The following PHACTR2 variants were observed in gnomAD, a reference collection of about 807,000 sequenced individuals.
PHACTR2 encodes chromosome 6 open reading frame 56.
Under a neutral mutation model 76.0 loss-of-function variants are expected in PHACTR2, and 30 were observed. That is an observed-to-expected ratio of 0.39 (90% CI 0.30 to 0.54). The LOEUF is 0.54. Among genes scored for constraint, PHACTR2 ranks in the 20% least tolerant of loss-of-function variants. PHACTR2 has a pLI of 0.61. For missense variants in PHACTR2, 696 were observed against 781.1 expected (o/e 0.89, Z 1.30); for synonymous variants, 292 against 292.5 (o/e 1.00, Z 0.02).
At position 143,641,866 on chromosome 6, in the gene PHACTR2, C is replaced by T. The variant is rs905562037; in HGVS notation, c.13+33544C>T. Reference sequence around the variant, plus strand: ...AATTTGTCATGACAGCCACAAGAAGCAAATACAAGCAGCTGAGATGAAATG... The same window carrying T: ...AATTTGTCATGACAGCCACAAGAAGTAAATACAAGCAGCTGAGATGAAATG... On this transcript the variant is annotated intron_variant, in intron 1 of 11. Transcript: ENST00000305766. This position sits in a 1 kb window ranked among gnomAD's most constrained non-coding sequence, Gnocchi z 5.8. Among the ~76,000 whole-genome samples, 2 of 152,110 alleles carry T rather than the reference C, an allele frequency of 1.3e-5. No homozygotes were observed. Among genetic ancestry groups the T allele is most frequent in the East Asian group, 1.9e-4 (1 of 5,188 alleles).
intron 1 of PHACTR2, among the ~76,000 whole-genome samples, chr6:143,568,166 T>C (rs144310050): frequency 5.9e-5 from 9 of 152,230 alleles, no homozygotes; most frequent in Admixed American, 5.9e-4. Flanking sequence ...GTAGTGACAC[T>C]CAAGAGTTAA....
At chr6:143,675,316 C>G (rs921390417), upstream of PHACTR2, among the ~76,000 whole-genome samples, 4 of 152,146 alleles carry the variant, frequency 2.6e-5, no homozygotes, top group African/African-American at 9.7e-5. This position sits in a 1 kb window ranked among gnomAD's most constrained non-coding sequence, Gnocchi z 4.9. Flanking sequence ...GAAGCTATTC[C>G]TCAAACTCAG....
intron 2 of PHACTR2, among the ~76,000 whole-genome samples, chr6:143,720,461 C>T (rs1778413494): frequency 6.6e-6 from 1 of 152,098 alleles, no homozygotes; most frequent in Non-Finnish European, 1.5e-5. Flanking sequence ...AGGGAAAGCA[C>T]TGAGAGAATC....
chr6:143,815,841 A>T lies in PHACTR2; in HGVS notation c.1923-7833A>T, dbSNP rs1292614418. ...CGGGAGGTGGAGGCTGCAGTGAATC[A>T]AGATTGCACCACTGCACACTAGCCT... On this transcript the variant is annotated intron_variant, in intron 12 of 12. Transcript: ENST00000440869. 2.0e-5 allele frequency among the ~76,000 whole-genome samples: 3 copies of T among 151,520 alleles called. No homozygotes were observed. The East Asian group carries it at 5.8e-4, about 29-fold the overall frequency.
At chr6:143,699,090 T>C (rs1777839477) in intron 1 of PHACTR2, among the ~76,000 whole-genome samples, 1 of 151,956 alleles carries the variant, frequency 6.6e-6, no homozygotes, top group African/African-American at 2.4e-5. Flanking sequence ...GTCTGCTGAG[T>C]TTTCCTTCAC....
chr6:143,650,865 C>CA (rs529295167), intron 1 of PHACTR2, among the ~76,000 whole-genome samples: 383 of 151,554 alleles, frequency 2.5e-3, no homozygotes, highest in Non-Finnish European at 3.6e-3. Flanking sequence ...TTCTGAACAA[C>CA]AAAAAAAACT....
rs1775241482 is a variant in PHACTR2 at position 143,775,073 on chromosome 6, T to G, written c.1589+858T>G. The stretch of plus-strand genomic sequence containing the variant: ...CAGGATTTGGAGGTGGGGGGAAAAT[T>G]GCTGTCCTTGCTTGGAAGTGGTATA... On this transcript the variant is annotated intron_variant, in intron 8 of 12. Coordinates refer to ENST00000440869, the MANE Select transcript of PHACTR2 (RefSeq NM_001100164.2). The surrounding 1 kb of genome is among the most constrained non-coding windows in gnomAD (Gnocchi z 4.4). Among the ~76,000 whole-genome samples the G allele has an allele frequency of 6.6e-6, 1 of 152,174 alleles. No individual in the cohort carries two copies. The highest frequency in any genetic ancestry group is 1.5e-5 in the Non-Finnish European group (1 of 68,036).
chr6:143,830,745 T>C lies in PHACTR2; in HGVS notation c.*7056T>C, dbSNP rs1038008249. 1 of 152,246 alleles carries C rather than the reference T, an allele frequency of 6.6e-6. No homozygotes were observed. Among genetic ancestry groups the C allele is most frequent in the African/African-American group, 2.4e-5 (1 of 41,472 alleles). The allele number at this position is 152,246 out of a possible 1,614,324, so 9.4% of individuals were successfully genotyped here. A position where few individuals can be genotyped will look rare whatever the true frequency, so the allele number is the denominator to read the frequency against. On this transcript the variant is annotated 3_prime_UTR_variant, in exon 13 of 13. Coordinates refer to ENST00000440869, the MANE Select transcript of PHACTR2 (RefSeq NM_001100164.2). ...CACAATTCCAAGTGCCTTAGAACAT[T>C]GTTTAGCTTTCCTAAGTATATATAA... is the stretch of plus-strand genomic sequence containing the variant.
intron 1 of PHACTR2, among the ~76,000 whole-genome samples, chr6:143,703,594 C>T (rs1777966056): frequency 6.6e-6 from 1 of 152,154 alleles, no homozygotes; most frequent in African/African-American, 2.4e-5. Context: ...ACATTCTGTT[C>T]TTTTTCTTTA....
At position 143,772,921 on chromosome 6, in the gene PHACTR2, A is replaced by G. The variant is rs1775189017; in HGVS notation, c.1432+464A>G. On this transcript the variant is annotated intron_variant, in intron 7 of 12. Transcript: ENST00000440869. The surrounding 1 kb of genome is among the most constrained non-coding windows in gnomAD (Gnocchi z 5.4). ...AGGAGGAATGAGTCAAGAATGCCAA[A>G]TACCTCATTAGCATTAAGAGGCTGG... 6.6e-6 allele frequency among the ~76,000 whole-genome samples: 1 copy of G among 152,198 alleles called. No homozygotes were observed. Among genetic ancestry groups the G allele is most frequent in the Non-Finnish European group, 1.5e-5 (1 of 68,046 alleles).
At position 143,562,079 on chromosome 6, in the gene PHACTR2, A is replaced by T. The variant is rs562862840; in HGVS notation, c.217+24872A>T. The stretch of plus-strand genomic sequence containing the variant: ...GTCAGATATTGTTACTTCACTGAAA[A>T]CTCTCACCGCCAGCCAGAGTTCCTT... On this transcript the variant is annotated intron_variant, in intron 1 of 11. Transcript: ENST00000367584. The surrounding 1 kb of genome is among the most constrained non-coding windows in gnomAD (Gnocchi z 5.1). 6.6e-6 allele frequency: 1 copy of T among 150,488 alleles called. No individual in the cohort carries two copies. The highest frequency in any genetic ancestry group is 2.1e-4 in the South Asian group (1 of 4,722). 9.3% of individuals were successfully genotyped at this position (150,488 alleles called of 1,614,324 possible). A position where few individuals can be genotyped will look rare whatever the true frequency, so the allele number is the denominator to read the frequency against.
upstream of PHACTR2, among the ~76,000 whole-genome samples, chr6:143,673,655 A>G (rs1034470060): frequency 3.9e-5 from 6 of 152,278 alleles, no homozygotes; most frequent in East Asian, 1.2e-3. Flanking sequence ...GAAATGAAGT[A>G]GAGCAAAATT....
At chr6:143,778,936 C>T (rs1400950240) in intron 9 of PHACTR2, among the ~76,000 whole-genome samples, 1 of 152,156 alleles carries the variant, frequency 6.6e-6, no homozygotes, top group African/African-American at 2.4e-5. Flanking sequence ...GCTGCATTGG[C>T]CTTTATATCC....
In PHACTR2 at chr6:143,619,227, C is replaced by T. The variant is rs1301489263; in HGVS notation, c.13+10905C>T. ...GTGATCTATTTTTCTGTCTACCTAT[C>T]ATTGATCAAGAGCCCTACCAGCCCC... On this transcript the variant is annotated intron_variant, in intron 1 of 11. Coordinates refer to the PHACTR2 transcript ENST00000305766. This position sits in a 1 kb window ranked among gnomAD's most constrained non-coding sequence, Gnocchi z 4.5. Among the ~76,000 whole-genome samples, 1 of 152,086 alleles carries T rather than the reference C, an allele frequency of 6.6e-6. No individual in the cohort carries two copies. Among genetic ancestry groups the T allele is most frequent in the African/African-American group, 2.4e-5 (1 of 41,382 alleles).
chr6:143,807,198 TAAA>T lies in PHACTR2; in HGVS notation c.1922+70_1922+72del. The T allele has an allele frequency of 2.2e-6, 2 of 916,574 alleles. No homozygotes were observed. Among genetic ancestry groups the T allele is most frequent in the South Asian group, 2.9e-5 (2 of 68,202 alleles). The allele number at this position is 916,574 out of a possible 1,614,324, so 56.8% of individuals were successfully genotyped here. A position where few individuals can be genotyped will look rare whatever the true frequency, so the allele number is the denominator to read the frequency against. On this transcript the variant is annotated intron_variant, in intron 12 of 12. Transcript: ENST00000440869. The surrounding 1 kb of genome is among the most constrained non-coding windows in gnomAD (Gnocchi z 5.5). Reference sequence around the variant, plus strand: ...AGATGTGATCCCATGTTGAGTTGGTTAAAAAAAGAAATTGCTTACAATGGTAAA... The same window carrying T: ...AGATGTGATCCCATGTTGAGTTGGTTAAAAGAAATTGCTTACAATGGTAAA...
At chr6:143,552,888 G>GAAAAAAAAAAAAAAAAAA (rs35606517) in intron 1 of PHACTR2, among the ~76,000 whole-genome samples, 1 of 116,650 alleles carries the variant, frequency 8.6e-6, no homozygotes, top group Non-Finnish European at 1.7e-5. Context: ...ATCTCAAAAA[G>GAAAAAAAAAAAAAAAAAA]AAAAAAAAAA....
intron 11 of PHACTR2, among the ~76,000 whole-genome samples, chr6:143,792,234 CATCAAAGT>C (rs1265834591): frequency 6.6e-6 from 1 of 152,114 alleles, no homozygotes; most frequent in Non-Finnish European, 1.5e-5. Flanking sequence ...TACTCATTCT[CATCAAAGT>C]ATTTTTTACT....
chr6:143,770,842 C>T (rs557328707), intron 6 of PHACTR2, among the ~76,000 whole-genome samples: 1 of 150,658 alleles, frequency 6.6e-6, no homozygotes, highest in Non-Finnish European at 1.5e-5. Context: ...TTAATAGTAA[C>T]TCTTTAAATC....
At chr6:143,705,539 G>A (rs112679292) in intron 1 of PHACTR2, among the ~76,000 whole-genome samples, 1 of 152,044 alleles carries the variant, frequency 6.6e-6, no homozygotes, top group East Asian at 1.9e-4. Flanking sequence ...CGCGTGATCT[G>A]CCCACCTCAG....
Sources: allele counts gnomAD v4.1 joint callset (sites outside exome capture counted in the v4.1 genomes callset), GRCh38; gene constraint gnomAD v4.1.1; non-coding constraint Gnocchi (gnomAD v3.1); transcripts MANE v1.5; gene names NCBI Gene and HGNC (gene_info 2026-07-23, HGNC 2026-07-21).